The following SLCO4A1 variants were observed in gnomAD, a reference collection of about 807,000 sequenced individuals.
The protein encoded by SLCO4A1 is colon organic anion transporter.
Under a neutral mutation model 64.6 loss-of-function variants are expected in SLCO4A1, and 51 were observed. The ratio of observed to expected loss-of-function variants is 0.79; its 90% CI spans 0.63 to 1.00. SLCO4A1 has a LOEUF of 1.00. Ranked by LOEUF, SLCO4A1 falls within the 50% of genes least tolerant of loss-of-function variation. The pLI is 0.00. For missense variants in SLCO4A1, 919 were observed against 980.5 expected (o/e 0.94, Z 0.84); for synonymous variants, 471 against 444.9 (o/e 1.06, Z -0.74).
chr20:62,668,879 C>A, intron 10 of SLCO4A1, 51 bp from the exon 11 acceptor site: 3 of 1,575,630 alleles, frequency 1.9e-6, no homozygotes, highest in Non-Finnish European at 2.6e-6. Context: ...TGCCCCCTGC[C>A]TAGCCCCTAC....
intron 6 of SLCO4A1, 109 bp from the exon 7 acceptor site, chr20:62,666,271 C>T: frequency 1.1e-6 from 1 of 874,932 alleles, no homozygotes; most frequent in South Asian, 1.6e-5. Context: ...GGAATTGATC[C>T]CTCTATGCCT....
chr20:62,671,656 G>A, intron 11 of SLCO4A1, 94 bp from the exon 12 acceptor site: 1 of 1,215,586 alleles, frequency 8.2e-7, no homozygotes, highest in Non-Finnish European at 1.2e-6. Context: ...GGGTGCTGCA[G>A]GCTGGGGCAG....
rs555582867 is a variant in SLCO4A1 at position 62,680,700 on chromosome 20, C to A, written n.212-4741C>A. 6.6e-5 allele frequency among the ~76,000 whole-genome samples: 10 copies of A among 152,158 alleles called. No homozygotes were observed. In the South Asian group the frequency reaches 2.1e-3, roughly 32 times the overall value. On this transcript the variant is annotated intron_variant and non_coding_transcript_variant, in intron 2 of 2. Coordinates refer to the SLCO4A1 transcript ENST00000466818. ...CGCTGGTCGCTTTCAGAATGTTAAG[C>A]CTGCCCCCCACCCCCTGGGATACAC...
intron 3 of SLCO4A1, among the ~76,000 whole-genome samples, chr20:62,659,971 C>T (rs901863606): frequency 3.9e-4 from 60 of 152,252 alleles, no homozygotes; most frequent in Middle Eastern, 3.2e-3. Flanking sequence ...CAAATTGCCA[C>T]GTGCACAACA....
At chr20:62,690,635 T>C (rs1008202228), downstream of SLCO4A1, among the ~76,000 whole-genome samples, 10 of 152,380 alleles carry the variant, frequency 6.6e-5, no homozygotes, top group East Asian at 1.3e-3. Context: ...TCTTTAATAA[T>C]GGAAAGGAAA....
Position 62,667,731 on chromosome 20 carries a change from T to TC in SLCO4A1, c.1473-8dup, listed in dbSNP as rs745392345. On this transcript the variant is annotated splice_polypyrimidine_tract_variant and intron_variant, in intron 7 of 11. Coordinates refer to ENST00000217159, the MANE Select transcript of SLCO4A1 (RefSeq NM_016354.4). ...TGGCCTGGACCCTACCACTCGCTTG[T>TC]CCCCCCTCTGCAGCCTCCTGCCCGA... is the stretch of plus-strand genomic sequence containing the variant. 3 of 1,602,172 alleles carry TC rather than the reference T, an allele frequency of 1.9e-6. No individual in the cohort carries two copies. The highest frequency in any genetic ancestry group is 1.3e-5 in the African/African-American group (1 of 74,814).
At chr20:62,652,663 C>T (rs1373135892) in intron 1 of SLCO4A1, among the ~76,000 whole-genome samples, 1 of 152,218 alleles carries the variant, frequency 6.6e-6, no homozygotes, top group Non-Finnish European at 1.5e-5. Flanking sequence ...TCCACGCACA[C>T]TCCCTTTCTG....
At chr20:62,666,665 G>C (rs1205651355) in intron 7 of SLCO4A1, 90 bp downstream of exon 7, 1 of 1,195,024 alleles carries the variant, frequency 8.4e-7, no homozygotes, top group Admixed American at 1.9e-5. Flanking sequence ...GCACTTGGGA[G>C]AGGTGGTTTT....
At position 62,645,134 on chromosome 20, in the gene SLCO4A1, G is replaced by A. The variant is rs1036615989; in HGVS notation, c.-97+2581G>A. The stretch of plus-strand genomic sequence containing the variant: ...TGGCCCCCCAGTGAGCTTGCTGAGT[G>A]TCAGCTGACTTCAGGCAGGATCTGG... On this transcript the variant is annotated intron_variant, in intron 1 of 11. Coordinates refer to ENST00000217159, the MANE Select transcript of SLCO4A1 (RefSeq NM_016354.4). This position sits in a 1 kb window ranked among gnomAD's most constrained non-coding sequence, Gnocchi z 4.2. Among the ~76,000 whole-genome samples, 7 of 152,242 alleles carry A rather than the reference G, an allele frequency of 4.6e-5. No individual in the cohort carries two copies. The highest frequency in any genetic ancestry group is 1.7e-4 in the African/African-American group (7 of 41,462).
At chr20:62,662,975 A>C (rs981968115) in intron 5 of SLCO4A1, 1 of 152,210 alleles carries the variant, frequency 6.6e-6, no homozygotes, top group Non-Finnish European at 1.5e-5. Context: ...AAGACGTGGG[A>C]CCCAAGTAGT....
downstream of SLCO4A1, among the ~76,000 whole-genome samples, chr20:62,674,408 C>T (rs537935073): frequency 2.6e-5 from 4 of 152,134 alleles, no homozygotes; most frequent in Non-Finnish European, 5.9e-5. Flanking sequence ...ACCCGGGGAC[C>T]TCAGGACTGA....
rs1984905363 is a variant in SLCO4A1, at chr20:62,661,594, C to T, written c.1121+419C>T. Among the ~76,000 whole-genome samples, 1 of 150,590 alleles carries T rather than the reference C, an allele frequency of 6.6e-6. No individual in the cohort carries two copies. The highest frequency in any genetic ancestry group is 1.5e-5 in the Non-Finnish European group (1 of 67,472). Reference sequence around the variant, plus strand: ...GAGACCCTTCCCTCACCATGACCCCCCACACTCTAATTCCCTTTCATCAGG... The same window carrying T: ...GAGACCCTTCCCTCACCATGACCCCTCACACTCTAATTCCCTTTCATCAGG... On this transcript the variant is annotated intron_variant, in intron 5 of 11. Coordinates refer to ENST00000217159, the MANE Select transcript of SLCO4A1 (RefSeq NM_016354.4). The surrounding 1 kb of genome is among the most constrained non-coding windows in gnomAD (Gnocchi z 5.2).
chr20:62,649,434 C>T (rs529040885), intron 1 of SLCO4A1: 5 of 152,478 alleles, frequency 3.3e-5, no homozygotes, highest in Admixed American at 3.3e-4. Context: ...ACCCAAGGCC[C>T]ACTCAGGTTG....
downstream of SLCO4A1, chr20:62,672,366 C>T: frequency 2.4e-6 from 2 of 848,212 alleles, no homozygotes; most frequent in East Asian, 1.1e-4. Context: ...GGCCCACGTC[C>T]TGTAGTCAGC....
At chr20:62,676,591 A>G (rs1458117336), downstream of SLCO4A1, among the ~76,000 whole-genome samples, 1 of 152,274 alleles carries the variant, frequency 6.6e-6, no homozygotes, top group Non-Finnish European at 1.5e-5. Context: ...CCAAAGCCAC[A>G]GCGCTGACCG....
intron 2 of SLCO4A1, among the ~76,000 whole-genome samples, chr20:62,684,480 G>A (rs570282653): frequency 3.9e-5 from 6 of 152,232 alleles, no homozygotes; most frequent in African/African-American, 7.2e-5. Flanking sequence ...GGGAGCCTCC[G>A]GTCTCCCCAG....
At chr20:62,667,461 C>T (rs2147100985) in intron 7 of SLCO4A1, 1 of 452,168 alleles carries the variant, frequency 2.2e-6, no homozygotes, top group Non-Finnish European at 3.9e-6. Flanking sequence ...GAATGTGTTG[C>T]CTGTCCAAAA....
At position 62,656,726 on chromosome 20, in the gene SLCO4A1, T is replaced by C; in HGVS notation, c.272T>C (p.Phe91Ser). 2 of 1,611,252 alleles carry C rather than the reference T, an allele frequency of 1.2e-6. No homozygotes were observed. Among genetic ancestry groups the C allele is most frequent in the Non-Finnish European group, 1.7e-6 (2 of 1,179,234 alleles). ...AGCGTGGCGTGCGGCTGGTGGGCCT[T>C]CGCACCGCCGTGCCTGCAGGTCCTC... is the stretch of plus-strand genomic sequence containing the variant. ...GQSVACGWWA[F>S]APPCLQVLNT... The change falls in exon 2 of 12, where the codon TTC (phenylalanine) becomes TCC (serine). Residue 91 changes from phenylalanine to serine, a missense_variant. Phe to Ser is a radical substitution (Grantham distance 155). Transcript: ENST00000217159.
chr20:62,672,955 G>A (rs781231756), downstream of SLCO4A1, among the ~76,000 whole-genome samples: 17 of 103,278 alleles, frequency 1.6e-4, 1 homozygote, highest in Non-Finnish European at 3.3e-4. Flanking sequence ...CTCGCCCTCC[G>A]GTGCTCACAG....
Sources: allele counts gnomAD v4.1 joint callset (sites outside exome capture counted in the v4.1 genomes callset), GRCh38; gene constraint gnomAD v4.1.1; non-coding constraint Gnocchi (gnomAD v3.1); transcripts MANE v1.5; gene names NCBI Gene and HGNC (gene_info 2026-07-23, HGNC 2026-07-21).